CRYL1: variants seen among roughly 807,000 people sequenced by gnomAD.
CRYL1 encodes the protein lambda-crystallin homolog.
In CRYL1, 29 loss-of-function variants were observed where a neutral mutation model predicts 36.6. The ratio of observed to expected loss-of-function variants is 0.79; its 90% confidence interval spans 0.59 to 1.08. The LOEUF is 1.08. Ranked by LOEUF, CRYL1 falls within the 50% of genes least tolerant of loss-of-function variation. The pLI, the probability that CRYL1 is intolerant of heterozygous loss-of-function variation, is 0.00. For missense variants in CRYL1, 411 were observed against 407.9 expected, an observed-to-expected ratio of 1.01 and a Z score of -0.06; for synonymous variants, 152 against 151.5, an observed-to-expected ratio of 1.00 and a Z score of -0.02.
chr13:20,467,582 G>A (rs1000885709), intron 3 of CRYL1, among the ~76,000 whole-genome samples: 2 of 152,180 alleles, frequency 1.3e-5, no homozygotes, highest in Non-Finnish European at 2.9e-5. Context: ...AGCACTTTGG[G>A]AGGCCGAGGC....
intron 5 of CRYL1, among the ~76,000 whole-genome samples, chr13:20,417,305 T>C (rs2031694464): frequency 6.6e-6 from 1 of 152,232 alleles, no homozygotes; most frequent in African/African-American, 2.4e-5. Context: ...AATAATCATT[T>C]GTCATTGATA....
chr13:20,522,088 G>A (rs1245390156), intron 1 of CRYL1, among the ~76,000 whole-genome samples: 5 of 152,182 alleles, frequency 3.3e-5, no homozygotes, highest in Non-Finnish European at 5.9e-5. Flanking sequence ...AGTGGCTCAC[G>A]CCTGTAATCT....
chr13:20,418,241 A>G (rs770828090), intron 5 of CRYL1, among the ~76,000 whole-genome samples: 3 of 152,192 alleles, frequency 2.0e-5, no homozygotes, highest in Non-Finnish European at 4.4e-5. Context: ...TGGACGCTCT[A>G]GCCTGGCCGA....
At chr13:20,483,587 T>A (rs527387709) in intron 3 of CRYL1, among the ~76,000 whole-genome samples, 5 of 152,294 alleles carry the variant, frequency 3.3e-5, no homozygotes, top group Admixed American at 2.6e-4. Flanking sequence ...TCACCCAGGC[T>A]GGAGTACAGT....
At chr13:20,452,488 TACA>T (rs953276203) in intron 3 of CRYL1, among the ~76,000 whole-genome samples, 28 of 152,284 alleles carry the variant, frequency 1.8e-4, no homozygotes, top group Admixed American at 1.4e-3. Flanking sequence ...TCCAAGAAGA[TACA>T]ACAACTCTAT....
intron 5 of CRYL1, among the ~76,000 whole-genome samples, chr13:20,429,043 G>A (rs1324945488): frequency 6.6e-6 from 1 of 152,196 alleles, no homozygotes; most frequent in South Asian, 2.1e-4. Flanking sequence ...TAGAGGAGCA[G>A]TGAGTCCTAG....
chr13:20,409,918 C>T (rs1450325740), intron 6 of CRYL1, among the ~76,000 whole-genome samples: 1 of 152,058 alleles, frequency 6.6e-6, no homozygotes, highest in African/African-American at 2.4e-5. Flanking sequence ...AATAGGAACA[C>T]TTTTACACTG....
intron 3 of CRYL1, among the ~76,000 whole-genome samples, chr13:20,471,645 G>A (rs2137446724): frequency 6.6e-6 from 1 of 151,956 alleles, no homozygotes; most frequent in South Asian, 2.1e-4. Flanking sequence ...CAAAATTGAT[G>A]CTAATGGTTA....
chr13:20,419,822 T>C (rs1398808348), intron 5 of CRYL1, among the ~76,000 whole-genome samples: 1 of 152,170 alleles, frequency 6.6e-6, no homozygotes, highest in Non-Finnish European at 1.5e-5. Context: ...TACCCACATG[T>C]TTTCGTTTTC....
chr13:20,460,557 G>C (rs1183820453), intron 3 of CRYL1, among the ~76,000 whole-genome samples: 1 of 107,568 alleles, frequency 9.3e-6, no homozygotes, highest in African/African-American at 3.6e-5. Context: ...ACGGAGTCTC[G>C]CTCTGTCGCC....
intron 2 of CRYL1, among the ~76,000 whole-genome samples, chr13:20,507,129 T>C (rs2033808263): frequency 6.6e-6 from 1 of 152,224 alleles, no homozygotes; most frequent in Non-Finnish European, 1.5e-5. Flanking sequence ...GAACTATGAC[T>C]CCATTAAACC....
At chr13:20,440,806 C>T (rs564874567) in intron 3 of CRYL1, among the ~76,000 whole-genome samples, 2 of 152,204 alleles carry the variant, frequency 1.3e-5, no homozygotes, top group Admixed American at 6.5e-5. Flanking sequence ...CTACATTAAT[C>T]GGGGTAGGGG....
At chr13:20,493,838 T>C (rs1269136612) in intron 2 of CRYL1, among the ~76,000 whole-genome samples, 1 of 152,208 alleles carries the variant, frequency 6.6e-6, no homozygotes, top group Non-Finnish European at 1.5e-5. Flanking sequence ...CTATAACTGC[T>C]GTGAGCTGCC....
chr13:20,474,748 C>T (rs952683119), intron 3 of CRYL1, among the ~76,000 whole-genome samples: 3 of 152,132 alleles, frequency 2.0e-5, no homozygotes, highest in African/African-American at 7.2e-5. Context: ...CTCTCCCCTC[C>T]CAGGGCCCTC....
chr13:20,415,113 C>A lies in CRYL1; in HGVS notation c.634-1726G>T, dbSNP rs569574585. On this transcript the variant is annotated intron_variant, in intron 5 of 7. Coordinates refer to ENST00000298248, the MANE Select transcript of CRYL1 (RefSeq NM_015974.3). The surrounding 1 kb of genome is among the most constrained non-coding windows in gnomAD (Gnocchi z 4.1). The stretch of plus-strand genomic sequence containing the variant: ...TGAGCCCGGTTTCCCTACCCCGGGG[C>A]ACCTCCCCTCGCCCGCACCCGGCCC... Among the ~76,000 whole-genome samples the A allele has an allele frequency of 1.2e-3, 183 of 152,282 alleles. 1 individual carries two copies. The highest frequency in any genetic ancestry group is 2.2e-3 in the Non-Finnish European group (151 of 68,006).
chr13:20,506,633 A>C (rs1478976774), intron 2 of CRYL1, among the ~76,000 whole-genome samples: 1 of 152,236 alleles, frequency 6.6e-6, no homozygotes, highest in Non-Finnish European at 1.5e-5. Context: ...GCATCTAAAA[A>C]TAAGGCCTAA....
Position 20,484,135 on chromosome 13 carries a change from T to A in CRYL1, c.276+5235A>T, listed in dbSNP as rs2033345417. ...CTGGCCAAAATACAGCAATTAATTT[T>A]TTTTAAAAAAAGAAAACTGTCTCCA... On this transcript the variant is annotated intron_variant, in intron 3 of 7. Transcript: ENST00000298248. Among the ~76,000 whole-genome samples the A allele has an allele frequency of 3.3e-5, 5 of 152,302 alleles. No individual in the cohort carries two copies. In the South Asian group the frequency reaches 1.0e-3, roughly 32 times the overall value.
intron 1 of CRYL1, among the ~76,000 whole-genome samples, chr13:20,515,019 G>A (rs2137513896): frequency 6.6e-6 from 1 of 152,252 alleles, no homozygotes; most frequent in Middle Eastern, 3.4e-3. Flanking sequence ...CCACAAAAAG[G>A]AATGAAATGC....
chr13:20,440,975 C>T (rs1593446745), intron 3 of CRYL1, among the ~76,000 whole-genome samples: 1 of 152,268 alleles, frequency 6.6e-6, no homozygotes, highest in South Asian at 2.1e-4. Context: ...AAGAGGACAC[C>T]GCCCTGCTGT....
Sources: gnomAD v4.1 joint callset for allele counts (sites outside exome capture counted in the v4.1 genomes callset) on GRCh38, gnomAD v4.1.1 for gene constraint, Gnocchi (gnomAD v3.1) non-coding constraint, MANE v1.5 for transcripts, NCBI Gene and HGNC (gene_info 2026-07-23, HGNC 2026-07-21) for gene names.